Variants in ERBB4 observed in about 807,000 individuals in gnomAD.
The protein encoded by ERBB4 is erb-b2 receptor tyrosine kinase 4.
ERBB4 carries 42 observed loss-of-function variants against 158.0 expected under a neutral mutation model. The observed-to-expected ratio is 0.27, with a 90% confidence interval of 0.21 to 0.34. ERBB4 has a LOEUF of 0.34. Among genes scored for constraint, ERBB4 ranks in the 10% least tolerant of loss-of-function variants. The probability of loss-of-function intolerance (pLI) is 1.00; values close to 1 mark genes in which losing one functional copy is unlikely to be tolerated. For synonymous variants in ERBB4, 583 were observed against 558.7 expected, an observed-to-expected ratio of 1.04 and a Z score of -0.61; for missense variants, 1,333 against 1,624.1, an observed-to-expected ratio of 0.82 and a Z score of 3.08.
chr2:211,483,065 CA>C (rs1327570730), intron 20 of ERBB4, among the ~76,000 whole-genome samples: 6 of 151,028 alleles, frequency 4.0e-5, no homozygotes, highest in Middle Eastern at 3.4e-3. Flanking sequence ...AGAATGAAGC[CA>C]AAACACAGGG....
chr2:212,380,554 C>T (rs1239210967), intron 1 of ERBB4, among the ~76,000 whole-genome samples: 2 of 150,256 alleles, frequency 1.3e-5, no homozygotes, highest in African/African-American at 2.4e-5. Flanking sequence ...AAATTGACAT[C>T]AGGAATGCAG....
intron 2 of ERBB4, among the ~76,000 whole-genome samples, chr2:212,122,560 C>A (rs1423522713): frequency 2.0e-5 from 3 of 151,968 alleles, no homozygotes; most frequent in African/African-American, 7.2e-5. Flanking sequence ...ACTTTTTATC[C>A]AGGCAGAAAT....
intron 3 of ERBB4, among the ~76,000 whole-genome samples, chr2:211,804,445 G>A (rs2076568075): frequency 1.3e-5 from 2 of 152,012 alleles, no homozygotes; most frequent in African/African-American, 4.8e-5. Context: ...TTGTTCTTTG[G>A]AAACAAATGA....
chr2:212,317,936 T>C (rs2087368144), intron 1 of ERBB4, among the ~76,000 whole-genome samples: 2 of 151,556 alleles, frequency 1.3e-5, no homozygotes, highest in Admixed American at 1.3e-4. Context: ...CTTTTCAAAA[T>C]CCACACAAAA....
chr2:211,458,058 T>C (rs1352235018), intron 20 of ERBB4, among the ~76,000 whole-genome samples: 1 of 148,186 alleles, frequency 6.7e-6, no homozygotes, highest in Admixed American at 6.7e-5. Context: ...GATATATTTG[T>C]GCTTTATAAA....
chr2:212,505,754 A>G (rs940781760), intron 1 of ERBB4, among the ~76,000 whole-genome samples: 1 of 149,030 alleles, frequency 6.7e-6, no homozygotes, highest in African/African-American at 2.4e-5. Context: ...TCATACAAGC[A>G]TGCCAATGCT....
chr2:211,808,720 G>A (rs2076677892), intron 3 of ERBB4, among the ~76,000 whole-genome samples: 1 of 152,192 alleles, frequency 6.6e-6, no homozygotes, highest in African/African-American at 2.4e-5. Context: ...ACTTCGGGCA[G>A]TATGGCCATT....
intron 1 of ERBB4, among the ~76,000 whole-genome samples, chr2:212,208,309 C>T (rs567249582): frequency 1.3e-5 from 2 of 152,260 alleles, no homozygotes; most frequent in East Asian, 3.9e-4. Flanking sequence ...CCCAATGAAG[C>T]TTTCCACATG....
intron 3 of ERBB4, among the ~76,000 whole-genome samples, chr2:211,831,871 C>A (rs1291025671): frequency 6.6e-6 from 1 of 151,906 alleles, no homozygotes; most frequent in Admixed American, 6.6e-5. Flanking sequence ...CCATTGCACT[C>A]CAACCTGGGC....
chr2:212,249,729 A>T (rs770495093), intron 1 of ERBB4, among the ~76,000 whole-genome samples: 1 of 152,054 alleles, frequency 6.6e-6, no homozygotes, highest in Non-Finnish European at 1.5e-5. Flanking sequence ...AGGATTTCTC[A>T]TTTATGGGTT....
At chr2:211,772,464 G>A (rs1320921076) in intron 4 of ERBB4, among the ~76,000 whole-genome samples, 1 of 151,704 alleles carries the variant, frequency 6.6e-6, no homozygotes, top group Non-Finnish European at 1.5e-5. Flanking sequence ...TGAATGAGAG[G>A]CAAAAAGACC....
intron 1 of ERBB4, among the ~76,000 whole-genome samples, chr2:212,171,095 G>A (rs148853728): frequency 6.6e-6 from 1 of 152,212 alleles, no homozygotes; most frequent in East Asian, 1.9e-4. Context: ...CCACAGGAGA[G>A]GAGCTGCCCA....
chr2:211,714,400 C>A (rs148477900), intron 7 of ERBB4, among the ~76,000 whole-genome samples: 1 of 152,254 alleles, frequency 6.6e-6, no homozygotes, highest in East Asian at 1.9e-4. Context: ...TGTTCTGGCA[C>A]AATATGCAAT....
chr2:211,953,867 A>AT (rs1173430644), intron 2 of ERBB4, among the ~76,000 whole-genome samples: 1 of 121,594 alleles, frequency 8.2e-6, no homozygotes, highest in Non-Finnish European at 1.6e-5. Context: ...AAAAATCATG[A>AT]TTTTTTAAAA....
intron 25 of ERBB4, among the ~76,000 whole-genome samples, chr2:211,415,327 G>A (rs1381697415): frequency 6.6e-6 from 1 of 151,536 alleles, no homozygotes. Flanking sequence ...CACCGCGTTA[G>A]CCAGGATGGT....
At chr2:212,061,863 G>A (rs904253196) in intron 2 of ERBB4, among the ~76,000 whole-genome samples, 6 of 151,448 alleles carry the variant, frequency 4.0e-5, no homozygotes, top group African/African-American at 1.5e-4. Context: ...AGCCTCCTGA[G>A]TAGCTGGGAT....
chr2:211,790,503 T>A (rs747940432), intron 3 of ERBB4, among the ~76,000 whole-genome samples: 2 of 152,082 alleles, frequency 1.3e-5, no homozygotes, highest in Non-Finnish European at 2.9e-5. Context: ...TCAAATCCCT[T>A]TCTTCAACAG....
chr2:212,471,648 G>T (rs1180654258), intron 1 of ERBB4, among the ~76,000 whole-genome samples: 1 of 151,738 alleles, frequency 6.6e-6, no homozygotes, highest in Non-Finnish European at 1.5e-5. Context: ...AAATGAAAAC[G>T]CACAACTTTC....
intron 20 of ERBB4, among the ~76,000 whole-genome samples, chr2:211,513,628 T>C (rs944555650): frequency 6.6e-6 from 1 of 152,050 alleles, no homozygotes; most frequent in African/African-American, 2.4e-5. Flanking sequence ...GCAAATACTA[T>C]TCATCACAAC....
Sources: allele counts gnomAD v4.1 joint callset (sites outside exome capture counted in the v4.1 genomes callset), GRCh38; gene constraint gnomAD v4.1.1; transcripts MANE v1.5; gene names NCBI Gene and HGNC (gene_info 2026-07-23, HGNC 2026-07-21).